Variants in INPP4B observed in about 807,000 individuals in gnomAD.
INPP4B encodes the protein inositol polyphosphate-4-phosphatase type II B.
Under a neutral mutation model 122.5 loss-of-function variants are expected in INPP4B, and 55 were observed. That is an observed-to-expected ratio of 0.45 (90% CI 0.36 to 0.56). INPP4B has a LOEUF of 0.56. Among genes scored for constraint, INPP4B ranks in the 20% least tolerant of loss-of-function variants. The pLI, the probability that INPP4B is intolerant of heterozygous loss-of-function variation, is 0.00. For synonymous variants in INPP4B, 403 were observed against 388.7 expected, an observed-to-expected ratio of 1.04 and a Z score of -0.43; for missense variants, 1,000 against 1,097.7, an observed-to-expected ratio of 0.91 and a Z score of 1.26.
At position 142,312,643 on chromosome 4, in the gene INPP4B, G is replaced by T. The variant is rs190732139; in HGVS notation, c.423+2069C>A. On this transcript the variant is annotated intron_variant, in intron 8 of 25. Transcript: ENST00000262992. ...GATGGCAAGTACATGTGCGTTTCAT[G>T]TATTTGGACAGCACAGAAAGTGGCT... Among the ~76,000 whole-genome samples the T allele has an allele frequency of 2.1e-3, 318 of 152,270 alleles. 1 individual carries two copies. The highest frequency in any genetic ancestry group is 7.1e-3 in the African/African-American group (296 of 41,546).
At chr4:142,696,741 T>C (rs1761083020) in intron 2 of INPP4B, among the ~76,000 whole-genome samples, 1 of 152,164 alleles carries the variant, frequency 6.6e-6, no homozygotes, top group Non-Finnish European at 1.5e-5. Context: ...CCATGTCCTT[T>C]ACAGCCAGCC....
intron 1 of INPP4B, among the ~76,000 whole-genome samples, chr4:142,751,347 T>G (rs1183902662): frequency 1.4e-5 from 2 of 143,164 alleles, no homozygotes; most frequent in African/African-American, 5.2e-5. Context: ...GGAGAGGGAG[T>G]GTTAAGGAGA....
At chr4:142,110,110 G>A (rs1789261119) in intron 22 of INPP4B, among the ~76,000 whole-genome samples, 1 of 152,114 alleles carries the variant, frequency 6.6e-6, no homozygotes, top group South Asian at 2.1e-4. Context: ...ATTCATATGT[G>A]GAAGCCCTAA....
intron 17 of INPP4B, among the ~76,000 whole-genome samples, chr4:142,152,767 T>C (rs911373368): frequency 6.6e-6 from 1 of 152,174 alleles, no homozygotes; most frequent in Non-Finnish European, 1.5e-5. Context: ...GCTTGGCATT[T>C]TTAATGTGTA....
At chr4:142,457,286 C>T (rs1271134596) in intron 3 of INPP4B, among the ~76,000 whole-genome samples, 1 of 151,954 alleles carries the variant, frequency 6.6e-6, no homozygotes. Context: ...GTAAAATTGA[C>T]TTTATTGAAG....
chr4:142,531,778 G>A (rs1827647230), intron 2 of INPP4B, among the ~76,000 whole-genome samples: 2 of 152,070 alleles, frequency 1.3e-5, no homozygotes, highest in Admixed American at 1.3e-4. Flanking sequence ...ATACAAGTCA[G>A]TGGTAGACTA....
At chr4:142,288,333 C>T (rs141297147) in intron 9 of INPP4B, among the ~76,000 whole-genome samples, 2,383 of 152,234 alleles carry the variant, frequency 0.016, 60 homozygotes, top group African/African-American at 0.054. Flanking sequence ...GCCTGTAATC[C>T]CAGCACTTTG....
chr4:142,392,943 A>G (rs1798206105), intron 7 of INPP4B, among the ~76,000 whole-genome samples: 1 of 152,212 alleles, frequency 6.6e-6, no homozygotes, highest in South Asian at 2.1e-4. Context: ...GACCCTGGGT[A>G]AGGAGGATAC....
intron 11 of INPP4B, among the ~76,000 whole-genome samples, chr4:142,243,428 T>C (rs563460998): frequency 2.0e-5 from 3 of 152,154 alleles, no homozygotes; most frequent in Admixed American, 1.3e-4. Context: ...GAAATTTCAA[T>C]AGAGCAAAGC....
intron 2 of INPP4B, among the ~76,000 whole-genome samples, chr4:142,592,778 A>C (rs1737788377): frequency 6.6e-6 from 1 of 152,098 alleles, no homozygotes; most frequent in Non-Finnish European, 1.5e-5. Context: ...GTTGGATTGG[A>C]GTAAGGAAAT....
intron 2 of INPP4B, among the ~76,000 whole-genome samples, chr4:142,484,648 T>C (rs1820983910): frequency 6.6e-6 from 1 of 152,112 alleles, no homozygotes; most frequent in Non-Finnish European, 1.5e-5. Context: ...AGGATGTGCA[T>C]GTTTGTTACA....
intron 21 of INPP4B, among the ~76,000 whole-genome samples, chr4:142,118,608 T>C (rs1362140445): frequency 2.6e-5 from 4 of 152,202 alleles, no homozygotes; most frequent in Admixed American, 2.6e-4. Flanking sequence ...AAGTTGAAAC[T>C]GGATCCCTTC....
intron 2 of INPP4B, among the ~76,000 whole-genome samples, chr4:142,659,986 A>G (rs1754870430): frequency 6.6e-6 from 1 of 152,004 alleles, no homozygotes; most frequent in Admixed American, 6.5e-5. Context: ...GCAGATAACA[A>G]CAGAGGTTAA....
chr4:142,119,395 C>A (rs998755810), intron 21 of INPP4B, among the ~76,000 whole-genome samples: 3 of 152,010 alleles, frequency 2.0e-5, no homozygotes, highest in African/African-American at 7.3e-5. Flanking sequence ...TGGAACCAAC[C>A]CAAATGTCCA....
chr4:142,198,447 CATGTGTTCCTTT>C (rs1453567424), intron 14 of INPP4B, among the ~76,000 whole-genome samples: 7 of 151,542 alleles, frequency 4.6e-5, no homozygotes, highest in Admixed American at 4.6e-4. Flanking sequence ...TTATAGTTTT[CATGTGTTCCTTT>C]TTTTAAAAAA....
intron 23 of INPP4B, among the ~76,000 whole-genome samples, chr4:142,102,944 A>T (rs1295008096): frequency 3.3e-5 from 5 of 152,148 alleles, no homozygotes; most frequent in Non-Finnish European, 4.4e-5. Context: ...CTCTCACTTG[A>T]TTCTATTGCG....
intron 2 of INPP4B, among the ~76,000 whole-genome samples, chr4:142,677,615 A>T (rs981081414): frequency 6.6e-6 from 1 of 151,980 alleles, no homozygotes; most frequent in Non-Finnish European, 1.5e-5. Context: ...ATGATAGTCT[A>T]GATAAAGAAA....
chr4:142,245,125 T>C (rs1009399031), intron 11 of INPP4B, among the ~76,000 whole-genome samples: 1 of 152,168 alleles, frequency 6.6e-6, no homozygotes, highest in Non-Finnish European at 1.5e-5. Flanking sequence ...TATTAGCCCT[T>C]TGTCAGATGA....
intron 16 of INPP4B, among the ~76,000 whole-genome samples, chr4:142,171,695 A>T (rs1444136215): frequency 6.6e-6 from 1 of 151,800 alleles, no homozygotes; most frequent in South Asian, 2.1e-4. Flanking sequence ...AACTTAACTT[A>T]AAAAAAGATC....
Sources: allele counts gnomAD v4.1 joint callset (sites outside exome capture counted in the v4.1 genomes callset), GRCh38; gene constraint gnomAD v4.1.1; transcripts MANE v1.5; gene names NCBI Gene and HGNC (gene_info 2026-07-23, HGNC 2026-07-21).